FSTL4: variants seen among roughly 807,000 people sequenced by gnomAD.
FSTL4 encodes follistatin-related protein 4.
FSTL4 carries 28 observed loss-of-function variants against 78.2 expected under a neutral mutation model. The ratio of observed to expected loss-of-function variants is 0.36; its 90% CI spans 0.27 to 0.49. The LOEUF (loss-of-function observed/expected upper bound fraction) is 0.49, where lower values mean the gene tolerates loss of function less well. Among genes scored for constraint, FSTL4 ranks in the 20% least tolerant of loss-of-function variants. The probability of loss-of-function intolerance (pLI) is 0.98; values close to 1 mark genes in which losing one functional copy is unlikely to be tolerated. For missense variants in FSTL4, 922 were observed against 1,084.9 expected, an observed-to-expected ratio of 0.85 and a Z score of 2.11; for synonymous variants, 422 against 440.5, an observed-to-expected ratio of 0.96 and a Z score of 0.53.
At chr5:133,478,160 T>C (rs1757958711) in intron 3 of FSTL4, among the ~76,000 whole-genome samples, 1 of 152,186 alleles carries the variant, frequency 6.6e-6, no homozygotes, top group Non-Finnish European at 1.5e-5. Context: ...TAATGAAAAA[T>C]GTGTGGGAAT....
intron 3 of FSTL4, among the ~76,000 whole-genome samples, chr5:133,405,693 G>C (rs1291856878): frequency 6.6e-6 from 1 of 152,192 alleles, no homozygotes; most frequent in Non-Finnish European, 1.5e-5. Flanking sequence ...CTCACACGTG[G>C]CAAGGTGGTC....
At chr5:133,508,939 T>C (rs1480947237) in intron 3 of FSTL4, among the ~76,000 whole-genome samples, 2 of 152,164 alleles carry the variant, frequency 1.3e-5, no homozygotes, top group African/African-American at 4.8e-5. Context: ...CTTACTCATA[T>C]ATAAGGTAAG....
chr5:133,736,738 C>T, the FSTL4 span, among the ~76,000 whole-genome samples: 1 of 152,076 alleles, frequency 6.6e-6, no homozygotes, highest in African/African-American at 2.4e-5. Context: ...CTGAGCAGCC[C>T]CTCAACTGCA....
intron 4 of FSTL4, among the ~76,000 whole-genome samples, chr5:133,397,107 C>T (rs1465207119): frequency 6.6e-6 from 1 of 152,196 alleles, no homozygotes; most frequent in Non-Finnish European, 1.5e-5. Flanking sequence ...GAAAGGGAAG[C>T]TCATCTTCGT....
At chr5:133,410,163 C>T (rs564416457) in intron 3 of FSTL4, among the ~76,000 whole-genome samples, 13 of 152,296 alleles carry the variant, frequency 8.5e-5, no homozygotes, top group East Asian at 1.9e-4. Flanking sequence ...AAGTACAATA[C>T]GATTTCTGCC....
chr5:133,702,495 G>A, the FSTL4 span, among the ~76,000 whole-genome samples: 4 of 152,034 alleles, frequency 2.6e-5, no homozygotes, highest in South Asian at 2.1e-4. Context: ...CCCGGAGTCC[G>A]GGGGCTTGGG....
At chr5:133,701,542 C>A in the FSTL4 span, among the ~76,000 whole-genome samples, 9 of 150,342 alleles carry the variant, frequency 6.0e-5, no homozygotes, top group Non-Finnish European at 8.8e-5. Flanking sequence ...CCCTGAATGG[C>A]ATTGCTGAGG....
the FSTL4 span, among the ~76,000 whole-genome samples, chr5:133,747,750 C>T: frequency 1.3e-5 from 2 of 152,164 alleles, no homozygotes; most frequent in Non-Finnish European, 2.9e-5. Context: ...CCTTGGTTGT[C>T]TCCTCCCTCT....
intron 6 of FSTL4, among the ~76,000 whole-genome samples, chr5:133,300,719 G>A (rs1419482340): frequency 1.3e-5 from 2 of 152,180 alleles, no homozygotes; most frequent in African/African-American, 4.8e-5. Context: ...ATGGCACAGA[G>A]GTAGACTATT....
chr5:133,291,489 G>C (rs1424956955), intron 6 of FSTL4, among the ~76,000 whole-genome samples: 1 of 152,206 alleles, frequency 6.6e-6, no homozygotes, highest in East Asian at 1.9e-4. Context: ...GGCTGTGGTA[G>C]ACACTGTATG....
At chr5:133,819,691 G>A in the FSTL4 span, among the ~76,000 whole-genome samples, 5 of 152,210 alleles carry the variant, frequency 3.3e-5, no homozygotes, top group African/African-American at 1.2e-4. Context: ...GAGACCTCCT[G>A]TTTCCACATT....
chr5:133,543,660 C>T (rs1580778613), intron 3 of FSTL4, among the ~76,000 whole-genome samples: 1 of 151,976 alleles, frequency 6.6e-6, no homozygotes, highest in Admixed American at 6.6e-5. Flanking sequence ...TATTTTCAGC[C>T]TTTATCCTTG....
intron 3 of FSTL4, among the ~76,000 whole-genome samples, chr5:133,433,113 T>A (rs1467637961): frequency 3.3e-5 from 5 of 152,196 alleles, no homozygotes; most frequent in African/African-American, 1.2e-4. Context: ...GCAAAGAAAA[T>A]CTAAGCTGTT....
In FSTL4 at chr5:133,249,477, A is replaced by C; in HGVS notation, c.827T>G (p.Leu276Arg). The C allele has an allele frequency of 6.2e-7, 1 of 1,613,746 alleles. No individual in the cohort carries two copies. The highest frequency in any genetic ancestry group is 8.5e-7 in the Non-Finnish European group (1 of 1,179,710). ...GCGCTTCCAGATGATTGGTGGCCTC[A>C]GGTCTCCATGGACGGCGCAGGTCAG... ...TVLTCAVHGD[L>R]RPPIIWKRNG... The change falls in exon 7 of 16, where the codon CTG becomes CGG. Residue 276 changes from leucine (L) to arginine (R), a missense_variant. Leu to Arg is a moderately radical substitution (Grantham distance 102). Transcript: ENST00000265342.
chr5:133,740,478 G>A, the FSTL4 span, among the ~76,000 whole-genome samples: 1 of 152,108 alleles, frequency 6.6e-6, no homozygotes, highest in Admixed American at 6.5e-5. Flanking sequence ...CCTCACCGCA[G>A]GCCACGTGTT....
At chr5:133,389,964 G>C (rs952929306) in intron 4 of FSTL4, among the ~76,000 whole-genome samples, 4 of 152,198 alleles carry the variant, frequency 2.6e-5, no homozygotes, top group African/African-American at 9.7e-5. Flanking sequence ...TAGCCAGGCC[G>C]AATGAGTGAG....
intron 6 of FSTL4, among the ~76,000 whole-genome samples, chr5:133,271,568 G>A (rs1218494153): frequency 6.6e-6 from 1 of 152,178 alleles, no homozygotes; most frequent in Non-Finnish European, 1.5e-5. Context: ...GTGAGATTCT[G>A]TTCTGAATTG....
At chr5:133,825,521 A>T in the FSTL4 span, among the ~76,000 whole-genome samples, 1 of 152,240 alleles carries the variant, frequency 6.6e-6, no homozygotes, top group East Asian at 1.9e-4. Context: ...GAACTGAATT[A>T]GCTTAGTTTT....
At chr5:133,208,447 C>T (rs1750595667) in intron 14 of FSTL4, 1 of 71,158 alleles carries the variant, frequency 1.4e-5, no homozygotes, top group Non-Finnish European at 3.8e-5. Context: ...TTAGCCTGGA[C>T]TTGTAGATTC....
Sources: allele counts gnomAD v4.1 joint callset (sites outside exome capture counted in the v4.1 genomes callset), GRCh38; gene constraint gnomAD v4.1.1; transcripts MANE v1.5; gene names NCBI Gene and HGNC (gene_info 2026-07-23, HGNC 2026-07-21).